EGFL8: variants seen among roughly 807,000 people sequenced by gnomAD.
EGFL8 encodes EGF like domain multiple 8.
EGFL8 carries 32 observed loss-of-function variants against 39.4 expected under a neutral mutation model. The observed-to-expected ratio is 0.81, with a 90% confidence interval of 0.61 to 1.09. The LOEUF (loss-of-function observed/expected upper bound fraction) is 1.09, where lower values mean the gene tolerates loss of function less well. Among genes scored for constraint, EGFL8 ranks in the 50% least tolerant of loss-of-function variants. The probability of loss-of-function intolerance (pLI) is 0.00; values close to 1 mark genes in which losing one functional copy is unlikely to be tolerated. For missense variants in EGFL8, 385 were observed against 402.2 expected, an observed-to-expected ratio of 0.96 and a Z score of 0.37; for synonymous variants, 177 against 168.5, an observed-to-expected ratio of 1.05 and a Z score of -0.39.
chr6:32,167,430 G>C lies in EGFL8; in HGVS notation c.681+1G>C, dbSNP rs1003010990. 6.2e-7 allele frequency: 1 copy of C among 1,612,722 alleles called. No homozygotes were observed. Among genetic ancestry groups the C allele is most frequent in the Non-Finnish European group, 8.5e-7 (1 of 1,180,042 alleles). On this transcript the variant is annotated splice_donor_variant, in intron 7 of 8. Coordinates refer to ENST00000333845, the MANE Select transcript of EGFL8 (RefSeq NM_030652.4). LOFTEE classifies it high-confidence loss of function. This position sits in a 1 kb window ranked among gnomAD's most constrained non-coding sequence, Gnocchi z 6.4. ...AGGGCGCCTGGAGCGGCTGGAGCAG[G>C]TGAGCCAAGCCTGCTGGGTGGGGCG... is the stretch of plus-strand genomic sequence containing the variant.
At position 32,167,769 on chromosome 6, in the gene EGFL8, C is replaced by G; in HGVS notation, c.835+113C>G. The G allele has an allele frequency of 6.6e-7, 1 of 1,519,636 alleles. No individual in the cohort carries two copies. The highest frequency in any genetic ancestry group is 9.0e-7 in the Non-Finnish European group (1 of 1,113,108). 94.1% of individuals were successfully genotyped at this position (1,519,636 alleles called of 1,614,324 possible). ...AAGCCCCTCTCCAACATTCACTATC[C>G]TCATGCCTCTCCACTTTACCATCGT... On this transcript the variant is annotated intron_variant, in intron 8 of 8. Transcript: ENST00000333845. The surrounding 1 kb of genome is among the most constrained non-coding windows in gnomAD (Gnocchi z 6.4).
chr6:32,166,541 TACA>T lies in EGFL8; in HGVS notation c.148_150del (p.Asn50del), dbSNP rs774671618. 1.5e-5 allele frequency: 25 copies of T among 1,613,890 alleles called. No homozygotes were observed. In the East Asian group the frequency reaches 1.8e-4, roughly 12 times the overall value. ...GCAGACACTGGTGGTCCCGCTCCAC[TACA>T]ACGAGTCCTACAGCCAACCAGTGTA... is the stretch of plus-strand genomic sequence containing the variant. On this transcript the variant is annotated inframe_deletion, in exon 3 of 9. Coordinates refer to ENST00000333845, the MANE Select transcript of EGFL8 (RefSeq NM_030652.4). The surrounding 1 kb of genome is among the most constrained non-coding windows in gnomAD (Gnocchi z 7.3).
chr6:32,167,008 G>T lies in EGFL8; in HGVS notation c.430+3G>T. The T allele has an allele frequency of 1.9e-6, 3 of 1,612,998 alleles. No individual in the cohort carries two copies. The highest frequency in any genetic ancestry group is 2.5e-6 in the Non-Finnish European group (3 of 1,179,996). ...GGGAGGGAAGCACTGTCATGTGGGT[G>T]AGTCAGCTTGTCCTCCCCACCTACC... On this transcript the variant is annotated splice_donor_region_variant and intron_variant, in intron 5 of 8. Coordinates refer to ENST00000333845, the MANE Select transcript of EGFL8 (RefSeq NM_030652.4). The surrounding 1 kb of genome is among the most constrained non-coding windows in gnomAD (Gnocchi z 6.4).
Position 32,166,223 on chromosome 6 carries a change from C to G in EGFL8, c.58C>G (p.Leu20Val), listed in dbSNP as rs1289120268. The G allele has an allele frequency of 1.9e-6, 3 of 1,614,074 alleles. No homozygotes were observed. The highest frequency in any genetic ancestry group is 1.1e-5 in the South Asian group (1 of 91,078). Residue 20 changes from leucine (L) to valine (V), a missense_variant, in exon 2 of 9, where the codon CTG becomes GTG. Leu to Val is a conservative substitution (Grantham distance 32, BLOSUM62 1). Coordinates refer to ENST00000333845, the MANE Select transcript of EGFL8 (RefSeq NM_030652.4). The surrounding 1 kb of genome is among the most constrained non-coding windows in gnomAD (Gnocchi z 7.3). Reference sequence around the variant, plus strand: ...AGGCGGATTCTCCTTCCTCCTGCTACTGATACCAGGCGAGGGGGCCAAGGG... The same window carrying G: ...AGGCGGATTCTCCTTCCTCCTGCTAGTGATACCAGGCGAGGGGGCCAAGGG... ...LLGGFSFLLLLIPGEGAKGGS... is the reference protein window; with the variant it reads ...LLGGFSFLLLVIPGEGAKGGS...
In EGFL8 at chr6:32,166,720, T is replaced by C; in HGVS notation, c.244T>C (p.Trp82Arg). 1 of 1,600,384 alleles carries C rather than the reference T, an allele frequency of 6.2e-7. No individual in the cohort carries two copies. The highest frequency in any genetic ancestry group is 8.5e-7 in the Non-Finnish European group (1 of 1,171,168). Residue 82 changes from tryptophan (W) to arginine (R), a missense_variant, in exon 4 of 9, where the codon TGG becomes CGG. Transcript: ENST00000333845. The surrounding 1 kb of genome is among the most constrained non-coding windows in gnomAD (Gnocchi z 7.3). ...STYRTMYRVM[W>R]REVRREVQQT... ...TTCCAGGACCATGTACCGCGTTATG[T>C]GGCGGGAGGTGAGGCGGGAGGTTCA...
chr6:32,167,075 T>C lies in EGFL8; in HGVS notation c.431-12T>C, dbSNP rs1206083795. ...CCCCCTCTCTCAGCCCCTTCCTTTT[T>C]TCGGTAACTAGACGTGGATGAATGT... On this transcript the variant is annotated splice_polypyrimidine_tract_variant and intron_variant, in intron 5 of 8. Coordinates refer to ENST00000333845, the MANE Select transcript of EGFL8 (RefSeq NM_030652.4). This position sits in a 1 kb window ranked among gnomAD's most constrained non-coding sequence, Gnocchi z 6.4. The C allele has an allele frequency of 1.2e-6, 2 of 1,612,972 alleles. No homozygotes were observed. Among genetic ancestry groups the C allele is most frequent in the African/African-American group, 1.3e-5 (1 of 74,932 alleles).
At position 32,166,833 on chromosome 6, in the gene EGFL8, T is replaced by C; in HGVS notation, c.334+23T>C. The C allele has an allele frequency of 6.4e-7, 1 of 1,573,642 alleles. No homozygotes were observed. Among genetic ancestry groups the C allele is most frequent in the Middle Eastern group, 1.7e-4 (1 of 5,826 alleles). On this transcript the variant is annotated intron_variant, in intron 4 of 8. Transcript: ENST00000333845. This position sits in a 1 kb window ranked among gnomAD's most constrained non-coding sequence, Gnocchi z 7.3. ...AAGGTGAGGCTGGGTCTTCCGGGCC[T>C]TGCGGGAGGCGCGCCCCACGGAGCT...
chr6:32,165,905 G>A, intron 1 of EGFL8: 1 of 566,704 alleles, frequency 1.8e-6, no homozygotes, highest in East Asian at 2.8e-5. Flanking sequence ...GAGGGGAGGT[G>A]GAGGGAGTGT....
rs1454542307 is a variant in EGFL8, at chr6:32,166,499, C to G, written c.103C>G (p.Gln35Glu). The change falls in exon 3 of 9, where the codon CAG becomes GAG. Residue 35 changes from glutamine (Q) to glutamate (E), a missense_variant and splice_region_variant. Physicochemically the swap from Gln to Glu is conservative, Grantham distance 29 (BLOSUM62 2). Coordinates refer to ENST00000333845, the MANE Select transcript of EGFL8 (RefSeq NM_030652.4). The surrounding 1 kb of genome is among the most constrained non-coding windows in gnomAD (Gnocchi z 7.3). ...GAKGGSLRES[Q>E]GVCSKQTLVV... Reference sequence around the variant, plus strand: ...CCTCATCCTCTGGCATGGACGCAGTCAGGGAGTCTGCTCCAAGCAGACACT... The same window carrying G: ...CCTCATCCTCTGGCATGGACGCAGTGAGGGAGTCTGCTCCAAGCAGACACT... The G allele has an allele frequency of 6.2e-7, 1 of 1,613,512 alleles. No homozygotes were observed.
In EGFL8 at chr6:32,167,930, C is replaced by T; in HGVS notation, c.856C>T (p.Leu286=). 1 of 1,614,236 alleles carries T rather than the reference C, an allele frequency of 6.2e-7. No individual in the cohort carries two copies. Among genetic ancestry groups the T allele is most frequent in the Admixed American group, 1.7e-5 (1 of 60,024 alleles). ...ACCAGGCTCCTGTGAGGACAACAGC[C>T]TGGGCCTCGGCGTCAATCATCGATA... ...LGACSCEDNS[L]GLGVNHR Residue 286 remains leucine (L), a synonymous_variant, in exon 9 of 9, where the codon CTG becomes TTG. Coordinates refer to ENST00000333845, the MANE Select transcript of EGFL8 (RefSeq NM_030652.4). The surrounding 1 kb of genome is among the most constrained non-coding windows in gnomAD (Gnocchi z 6.4).
Position 32,166,758 on chromosome 6 carries a change from A to C in EGFL8, c.282A>C (p.Ala94=), listed in dbSNP as rs1010773218. The C allele has an allele frequency of 8.9e-6, 14 of 1,581,542 alleles. No individual in the cohort carries two copies. Among genetic ancestry groups the C allele is most frequent in the African/African-American group, 4.0e-5 (3 of 74,330 alleles). ...EVRREVQQTH[A]VCCQGWKKRH... is the part of the protein sequence containing the mutation. ...GGCGGGAGGTTCAGCAGACCCATGC[A>C]GTGTGCTGCCAGGGCTGGAAGAAGC... The change falls in exon 4 of 9, where the codon GCA becomes GCC. Residue 94 remains alanine (A), a synonymous_variant. Coordinates refer to ENST00000333845, the MANE Select transcript of EGFL8 (RefSeq NM_030652.4). This position sits in a 1 kb window ranked among gnomAD's most constrained non-coding sequence, Gnocchi z 7.3.
At position 32,167,094 on chromosome 6, in the gene EGFL8, T is replaced by G; in HGVS notation, c.438T>G (p.Asp146Glu). 1 of 1,613,084 alleles carries G rather than the reference T, an allele frequency of 6.2e-7. No individual in the cohort carries two copies. The highest frequency in any genetic ancestry group is 8.5e-7 in the Non-Finnish European group (1 of 1,180,034). The change falls in exon 6 of 9, where the codon GAT (aspartate) becomes GAG (glutamate). Residue 146 changes from aspartate (D) to glutamate (E), a missense_variant. Physicochemically the swap from Asp to Glu is conservative, Grantham distance 45. Transcript: ENST00000333845. This position sits in a 1 kb window ranked among gnomAD's most constrained non-coding sequence, Gnocchi z 6.4. Reference protein sequence around the residue: ...WGGKHCHVDVDECRTSITLCS... With the variant: ...WGGKHCHVDVEECRTSITLCS... ...CCTTTTTTCGGTAACTAGACGTGGA[T>G]GAATGTAGGACCAGCATCACCCTCT...
Position 32,166,399 on chromosome 6 carries a change from CG to C in EGFL8, c.102-93del. On this transcript the variant is annotated intron_variant, in intron 2 of 8. Coordinates refer to ENST00000333845, the MANE Select transcript of EGFL8 (RefSeq NM_030652.4). The surrounding 1 kb of genome is among the most constrained non-coding windows in gnomAD (Gnocchi z 7.3). ...GAGAGGCTGTCATCTGGAGGGAGAG[CG>C]GGGGGCCTCAGTAGCCTCTTGAGGG... is the stretch of plus-strand genomic sequence containing the variant. 2 of 1,596,746 alleles carry C rather than the reference CG, an allele frequency of 1.3e-6. No individual in the cohort carries two copies. Among genetic ancestry groups the C allele is most frequent in the South Asian group, 1.1e-5 (1 of 90,140 alleles).
At position 32,166,967 on chromosome 6, in the gene EGFL8, A is replaced by T. The variant is rs766387189; in HGVS notation, c.392A>T (p.Glu131Val). Reference sequence around the variant, plus strand: ...GTCTGCGTTAGGCCTGACCAGTGCGAGTGCGCCCCCGGCTGGGGAGGGAAG... The same window carrying T: ...GTCTGCGTTAGGCCTGACCAGTGCGTGTGCGCCCCCGGCTGGGGAGGGAAG... ...GGVCVRPDQC[E>V]CAPGWGGKHC... Residue 131 changes from glutamate to valine, a missense_variant, in exon 5 of 9, where the codon GAG becomes GTG. By Grantham distance (121) the Glu-to-Val change is moderately radical (BLOSUM62 -2). Coordinates refer to ENST00000333845, the MANE Select transcript of EGFL8 (RefSeq NM_030652.4). This position sits in a 1 kb window ranked among gnomAD's most constrained non-coding sequence, Gnocchi z 7.3. The T allele has an allele frequency of 6.2e-7, 1 of 1,613,214 alleles. No homozygotes were observed. The highest frequency in any genetic ancestry group is 8.5e-7 in the Non-Finnish European group (1 of 1,179,980).
Position 32,166,962 on chromosome 6 carries a change from GT to G in EGFL8, c.388del (p.Cys130AlafsTer45). The G allele has an allele frequency of 6.2e-7, 1 of 1,613,256 alleles. No individual in the cohort carries two copies. The highest frequency in any genetic ancestry group is 8.5e-7 in the Non-Finnish European group (1 of 1,179,986). ...GAGGCGTCTGCGTTAGGCCTGACCA[GT>G]GCGAGTGCGCCCCCGGCTGGGGAGG... ...NGGVCVRPDQ[C>X]ECAPGWGGKH... On this transcript the variant is annotated frameshift_variant, in exon 5 of 9. Coordinates refer to ENST00000333845, the MANE Select transcript of EGFL8 (RefSeq NM_030652.4). LOFTEE classifies it high-confidence loss of function. This position sits in a 1 kb window ranked among gnomAD's most constrained non-coding sequence, Gnocchi z 7.3.
Position 32,167,932 on chromosome 6 carries a change from G to A in EGFL8, c.858G>A (p.Leu286=). ...CAGGCTCCTGTGAGGACAACAGCCT[G>A]GGCCTCGGCGTCAATCATCGATAAG... ...LGACSCEDNS[L]GLGVNHR Residue 286 remains leucine (L), a synonymous_variant, in exon 9 of 9, where the codon CTG becomes CTA. Transcript: ENST00000333845. The surrounding 1 kb of genome is among the most constrained non-coding windows in gnomAD (Gnocchi z 6.4). The A allele has an allele frequency of 6.2e-7, 1 of 1,614,206 alleles. No individual in the cohort carries two copies. Among genetic ancestry groups the A allele is most frequent in the Non-Finnish European group, 8.5e-7 (1 of 1,180,042 alleles).
In EGFL8 at chr6:32,166,775, G is replaced by C; in HGVS notation, c.299G>C (p.Trp100Ser). ...QQTHAVCCQG[W>S]KKRHPGALTC... ...ACCCATGCAGTGTGCTGCCAGGGCT[G>C]GAAGAAGCGGCACCCGGGGGCGCTC... The change falls in exon 4 of 9, where the codon TGG (tryptophan) becomes TCG (serine). Residue 100 changes from tryptophan (W) to serine (S), a missense_variant. By Grantham distance (177) the Trp-to-Ser change is radical. Coordinates refer to ENST00000333845, the MANE Select transcript of EGFL8 (RefSeq NM_030652.4). This position sits in a 1 kb window ranked among gnomAD's most constrained non-coding sequence, Gnocchi z 7.3. 6.4e-7 allele frequency: 1 copy of C among 1,572,650 alleles called. No individual in the cohort carries two copies. The highest frequency in any genetic ancestry group is 1.2e-5 in the South Asian group (1 of 84,698).
chr6:32,168,277 C>A lies in EGFL8; in HGVS notation c.*321C>A. 2.8e-6 allele frequency: 1 copy of A among 362,654 alleles called. No homozygotes were observed. The highest frequency in any genetic ancestry group is 5.0e-6 in the Non-Finnish European group (1 of 198,182). The allele number at this position is 362,654 out of a possible 1,614,324, so 22.5% of individuals were successfully genotyped here. Reference sequence around the variant, plus strand: ...AGATAATTAATAAAAACCAACCACGCAAAACTGGGTCCCACCCTCTCCTTT... The same window carrying A: ...AGATAATTAATAAAAACCAACCACGAAAAACTGGGTCCCACCCTCTCCTTT... On this transcript the variant is annotated 3_prime_UTR_variant, in exon 9 of 9. Coordinates refer to ENST00000333845, the MANE Select transcript of EGFL8 (RefSeq NM_030652.4). This position sits in a 1 kb window ranked among gnomAD's most constrained non-coding sequence, Gnocchi z 4.5.
chr6:32,166,332 T>C lies in EGFL8; in HGVS notation c.101+66T>C. ...AGGAGCCTTCTGCTGGGGGTGGGGC[T>C]TCACAGGAGGCAAAACATAACTGTA... On this transcript the variant is annotated intron_variant, in intron 2 of 8. Coordinates refer to ENST00000333845, the MANE Select transcript of EGFL8 (RefSeq NM_030652.4). The surrounding 1 kb of genome is among the most constrained non-coding windows in gnomAD (Gnocchi z 7.3). 2 of 1,598,496 alleles carry C rather than the reference T, an allele frequency of 1.3e-6. No individual in the cohort carries two copies. The highest frequency in any genetic ancestry group is 4.5e-5 in the East Asian group (2 of 44,732).
Sources: gnomAD v4.1 joint callset for allele counts on GRCh38, gnomAD v4.1.1 for gene constraint, Gnocchi (gnomAD v3.1) non-coding constraint, MANE v1.5 for transcripts, NCBI Gene and HGNC (gene_info 2026-07-23, HGNC 2026-07-21) for gene names.